HIBCH: variants seen among roughly 807,000 people sequenced by gnomAD.
HIBCH encodes the protein 3-hydroxyisobutyryl-CoA hydrolase.
A neutral mutation model predicts 58.2 loss-of-function variants in HIBCH; 50 were observed. The observed-to-expected ratio is 0.86, with a 90% CI of 0.68 to 1.09. HIBCH has a LOEUF of 1.09. HIBCH is among the 50% of genes least tolerant of loss of function. The pLI, the probability that HIBCH is intolerant of heterozygous loss-of-function variation, is 0.00. For synonymous variants in HIBCH, 151 were observed against 146.9 expected (o/e 1.03, Z -0.20); for missense variants, 450 against 449.7 (o/e 1.00, Z -0.01).
At position 190,273,384 on chromosome 2, in the gene HIBCH, C is replaced by T. The variant is rs188524435; in HGVS notation, c.439-12150G>A. ...CTCCAGCCTGGGTGACAGAGCGAGA[C>T]TCCATCTCAAAAATAAATAAAAATA... On this transcript the variant is annotated intron_variant, in intron 6 of 13. Transcript: ENST00000359678. 3.3e-3 allele frequency among the ~76,000 whole-genome samples: 501 copies of T among 152,194 alleles called. 4 individuals carry two copies. The highest frequency in any genetic ancestry group is 0.011 in the African/African-American group (477 of 41,508).
At chr2:190,208,950 G>T in intron 12 of HIBCH, 37 bp from the exon 13 acceptor site, 1 of 1,591,912 alleles carries the variant, frequency 6.3e-7, no homozygotes, top group Non-Finnish European at 8.6e-7. Flanking sequence ...GATAATTTCT[G>T]GGTGTCCTTA....
chr2:190,249,809 T>C, intron 8 of HIBCH, 83 bp from the exon 9 acceptor site: 1 of 912,822 alleles, frequency 1.1e-6, no homozygotes, highest in Non-Finnish European at 1.7e-6. Context: ...TCTTCTTTTT[T>C]AGAATTCTTG....
At chr2:190,294,019 T>C (rs1688032585) in intron 4 of HIBCH, among the ~76,000 whole-genome samples, 1 of 7,556 alleles carries the variant, frequency 1.3e-4, no homozygotes, top group Non-Finnish European at 3.9e-4. Context: ...ATATATTTTG[T>C]GTGTATATAT....
intron 4 of HIBCH, among the ~76,000 whole-genome samples, chr2:190,291,056 G>C (rs996949561): frequency 6.6e-6 from 1 of 152,038 alleles, no homozygotes; most frequent in Non-Finnish European, 1.5e-5. Flanking sequence ...ATTTTCTTTT[G>C]ATTATTTTCT....
At chr2:190,288,265 A>C (rs1026697717) in intron 5 of HIBCH, among the ~76,000 whole-genome samples, 5 of 151,854 alleles carry the variant, frequency 3.3e-5, no homozygotes, top group Non-Finnish European at 5.9e-5. Context: ...ATTCATTCTA[A>C]GTCTAATCAT....
At chr2:190,311,228 G>C (rs992531267) in intron 1 of HIBCH, among the ~76,000 whole-genome samples, 2 of 152,088 alleles carry the variant, frequency 1.3e-5, no homozygotes, top group Non-Finnish European at 2.9e-5. Flanking sequence ...TTCTGAAAAG[G>C]GCAAAATTAT....
chr2:190,223,634 G>T (rs562823357), intron 11 of HIBCH, among the ~76,000 whole-genome samples: 1 of 152,220 alleles, frequency 6.6e-6, no homozygotes, highest in East Asian at 1.9e-4. Context: ...AATATAATTA[G>T]TTCTTAGAGG....
At chr2:190,311,283 G>T (rs1409440882) in intron 1 of HIBCH, among the ~76,000 whole-genome samples, 1 of 152,178 alleles carries the variant, frequency 6.6e-6, no homozygotes, top group Non-Finnish European at 1.5e-5. Flanking sequence ...TTGGGGGACG[G>T]AAGGAGGGAT....
At chr2:190,228,717 A>G (rs1033727951) in intron 11 of HIBCH, among the ~76,000 whole-genome samples, 1 of 152,154 alleles carries the variant, frequency 6.6e-6, no homozygotes, top group Non-Finnish European at 1.5e-5. Context: ...GGCTCAACCC[A>G]TTTATCTGAC....
At chr2:190,242,426 T>C (rs1686479496) in intron 11 of HIBCH, among the ~76,000 whole-genome samples, 1 of 152,104 alleles carries the variant, frequency 6.6e-6, no homozygotes, top group African/African-American at 2.4e-5. Context: ...CTTCTGTCAA[T>C]TCGTCAAACT....
At chr2:190,273,556 T>C (rs982464818) in intron 6 of HIBCH, among the ~76,000 whole-genome samples, 15 of 152,110 alleles carry the variant, frequency 9.9e-5, no homozygotes, top group African/African-American at 3.4e-4. Context: ...GAATAATCAA[T>C]ATAGATAAAA....
At chr2:190,230,332 TA>T (rs1446919467) in intron 11 of HIBCH, among the ~76,000 whole-genome samples, 20 of 152,322 alleles carry the variant, frequency 1.3e-4, no homozygotes, top group African/African-American at 4.8e-4. Flanking sequence ...TCATTACAGG[TA>T]CCACAGACAT....
chr2:190,296,754 G>A, intron 3 of HIBCH, 59 bp downstream of exon 3: 3 of 1,415,782 alleles, frequency 2.1e-6, no homozygotes, highest in Non-Finnish European at 3.0e-6. Flanking sequence ...TACCAGAAAT[G>A]TCCTATTATG....
chr2:190,213,030 G>C lies in HIBCH; in HGVS notation c.937C>G (p.Gln313Glu). The C allele has an allele frequency of 6.2e-7, 1 of 1,609,350 alleles. No homozygotes were observed. The highest frequency in any genetic ancestry group is 8.5e-7 in the Non-Finnish European group (1 of 1,175,984). ...SPTSLKITLR[Q>E]LMEGSSKTLQ... ...GTCTTTGAAGACCCCTCCATGAGTTGCCTTAGTGTGATCTTTAGAGATGTT... is the reference window on the plus strand; with the variant it reads ...GTCTTTGAAGACCCCTCCATGAGTTCCCTTAGTGTGATCTTTAGAGATGTT... Residue 313 changes from glutamine to glutamate, a missense_variant, in exon 12 of 14, where the codon CAA becomes GAA. Coordinates refer to ENST00000359678, the MANE Select transcript of HIBCH (RefSeq NM_014362.4).
chr2:190,237,246 A>G (rs893004785), intron 11 of HIBCH, among the ~76,000 whole-genome samples: 2 of 152,210 alleles, frequency 1.3e-5, no homozygotes, highest in South Asian at 4.1e-4. Flanking sequence ...ACCCTCTGGC[A>G]ACTGATCTGT....
intron 7 of HIBCH, among the ~76,000 whole-genome samples, chr2:190,259,290 A>C (rs964542649): frequency 1.1e-4 from 16 of 139,420 alleles, no homozygotes; most frequent in African/African-American, 3.9e-4. Flanking sequence ...AATTTTTTTC[A>C]TCAAAGTTTT....
chr2:190,248,955 T>G (rs1223570058), intron 9 of HIBCH, among the ~76,000 whole-genome samples: 1 of 152,184 alleles, frequency 6.6e-6, no homozygotes, highest in African/African-American at 2.4e-5. Context: ...ACCTAGTCCC[T>G]TTAGAAGGGT....
At chr2:190,283,973 G>A (rs1301893176) in intron 6 of HIBCH, among the ~76,000 whole-genome samples, 2 of 152,178 alleles carry the variant, frequency 1.3e-5, no homozygotes, top group African/African-American at 4.8e-5. Context: ...AGAATTACTT[G>A]GAGAGCTTGG....
intron 1 of HIBCH, among the ~76,000 whole-genome samples, chr2:190,192,452 C>CTG (rs147936734): frequency 0.19 from 27,538 of 145,102 alleles, 2,656 homozygotes; most frequent in East Asian, 0.28. Flanking sequence ...AATTCAGAAT[C>CTG]TGTGTGTGTG....
Sources: allele counts gnomAD v4.1 joint callset (sites outside exome capture counted in the v4.1 genomes callset), GRCh38; gene constraint gnomAD v4.1.1; transcripts MANE v1.5; gene names NCBI Gene and HGNC (gene_info 2026-07-23, HGNC 2026-07-21).